Variants in CA10 observed in about 807,000 individuals in gnomAD.
CA10 encodes the protein carbonic anhydrase-related protein 10.
CA10 carries 14 observed loss-of-function variants against 44.2 expected under a neutral mutation model. The observed-to-expected ratio is 0.32, with a 90% confidence interval of 0.21 to 0.50. CA10 has a LOEUF of 0.50. Among genes scored for constraint, CA10 ranks in the 20% least tolerant of loss-of-function variants. The pLI is 0.99. For missense variants in CA10, 350 were observed against 409.7 expected, an observed-to-expected ratio of 0.85 and a Z score of 1.26; for synonymous variants, 159 against 141.6, an observed-to-expected ratio of 1.12 and a Z score of -0.87.
rs138583813 is a variant in CA10, at chr17:51,639,377, G to C, written c.635-3368C>G. 2.6e-5 allele frequency among the ~76,000 whole-genome samples: 4 copies of C among 152,190 alleles called. No individual in the cohort carries two copies. The East Asian group carries it at 5.8e-4, about 22-fold the overall frequency. On this transcript the variant is annotated intron_variant, in intron 6 of 8. Coordinates refer to ENST00000451037, the MANE Select transcript of CA10 (RefSeq NM_020178.5). ...TGACTGGAGTAAAGAAAAGGAACAT[G>C]TTTTGTTTCTTTGAGACTGTAACCA...
chr17:52,066,122 A>G (rs533100402), intron 2 of CA10, among the ~76,000 whole-genome samples: 1 of 152,332 alleles, frequency 6.6e-6, no homozygotes, highest in East Asian at 1.9e-4. Flanking sequence ...GCAGTTCTTT[A>G]TAGCAGTATG....
intron 3 of CA10, among the ~76,000 whole-genome samples, chr17:51,869,138 G>T (rs754226644): frequency 6.6e-6 from 1 of 151,910 alleles, no homozygotes; most frequent in African/African-American, 2.4e-5. Context: ...ATAGAAAAAG[G>T]ACTATTTTCA....
rs551628854 is a variant in CA10 at position 51,700,548 on chromosome 17, T to C, written c.466-46812A>G. On this transcript the variant is annotated intron_variant, in intron 4 of 8. Transcript: ENST00000451037. ...CTCTGCTGCCACATTGTTCCCCACC[T>C]GTGCTTGGCTCACCCCCTCATGGCC... Among the ~76,000 whole-genome samples the C allele has an allele frequency of 3.9e-5, 6 of 152,264 alleles. No homozygotes were observed. In the South Asian group the frequency reaches 1.2e-3, roughly 32 times the overall value.
chr17:51,963,630 A>C (rs943656037), intron 2 of CA10, among the ~76,000 whole-genome samples: 8 of 152,206 alleles, frequency 5.3e-5, no homozygotes, highest in Non-Finnish European at 1.0e-4. Flanking sequence ...TTTAAAGAAA[A>C]GAAATTCCAA....
At chr17:52,057,836 C>T (rs1987272995) in intron 2 of CA10, among the ~76,000 whole-genome samples, 1 of 152,056 alleles carries the variant, frequency 6.6e-6, no homozygotes, top group South Asian at 2.1e-4. Flanking sequence ...GCTGTTACTG[C>T]CTGCACCCAG....
At chr17:51,659,459 A>G (rs1348009795) in intron 4 of CA10, among the ~76,000 whole-genome samples, 1 of 152,184 alleles carries the variant, frequency 6.6e-6, no homozygotes. Flanking sequence ...CTCCTCTTAT[A>G]TATCTATGTA....
chr17:51,754,285 AGTGTGTGTGTGTGTGTGTGT>A (rs60269292), intron 3 of CA10, among the ~76,000 whole-genome samples: 1 of 140,900 alleles, frequency 7.1e-6, no homozygotes, highest in East Asian at 2.1e-4. Flanking sequence ...GAAACAGAAT[AGTGTGTGTGTGTGTGTGTGT>A]GTGTGTGTGT....
At chr17:51,891,365 A>G (rs1255246406) in intron 3 of CA10, among the ~76,000 whole-genome samples, 1 of 152,228 alleles carries the variant, frequency 6.6e-6, no homozygotes, top group Non-Finnish European at 1.5e-5. Context: ...AACGAGAAAT[A>G]GCACCACTCA....
chr17:51,699,859 A>G (rs1490281184), intron 4 of CA10, among the ~76,000 whole-genome samples: 1 of 152,196 alleles, frequency 6.6e-6, no homozygotes, highest in Admixed American at 6.5e-5. Context: ...AGACAGTTGT[A>G]GGATAAAGAG....
intron 6 of CA10, 78 bp from the exon 7 acceptor site, chr17:51,636,087 TACATATAC>T: frequency 1.5e-6 from 1 of 664,368 alleles, no homozygotes; most frequent in Non-Finnish European, 2.5e-6. Context: ...CATACATACA[TACATATAC>T]ATATACATAT....
At chr17:51,747,169 C>G (rs1009243368) in intron 4 of CA10, among the ~76,000 whole-genome samples, 1 of 152,194 alleles carries the variant, frequency 6.6e-6, no homozygotes. Context: ...CTCAGGAAAA[C>G]TATTGAGTTG....
At chr17:51,661,170 T>A (rs192075357) in intron 4 of CA10, among the ~76,000 whole-genome samples, 1 of 152,350 alleles carries the variant, frequency 6.6e-6, no homozygotes, top group Admixed American at 6.5e-5. Context: ...GCATGGGCTC[T>A]ATCTTATTGG....
chr17:51,736,983 C>T (rs999614977), intron 4 of CA10, among the ~76,000 whole-genome samples: 1 of 152,134 alleles, frequency 6.6e-6, no homozygotes, highest in Non-Finnish European at 1.5e-5. Context: ...GCAGACTGTT[C>T]TTAAGGCTGA....
intron 3 of CA10, among the ~76,000 whole-genome samples, chr17:51,878,088 G>A (rs1439786816): frequency 7.6e-6 from 1 of 132,174 alleles, no homozygotes; most frequent in African/African-American, 2.9e-5. Context: ...AGGTTACAGT[G>A]AGCCAAGATC....
chr17:52,050,573 C>G (rs917447288), intron 2 of CA10, among the ~76,000 whole-genome samples: 1 of 152,032 alleles, frequency 6.6e-6, no homozygotes, highest in African/African-American at 2.4e-5. Flanking sequence ...CCTACAAGGC[C>G]TCTTCTTCCC....
At chr17:51,884,761 G>C (rs917501215) in intron 3 of CA10, among the ~76,000 whole-genome samples, 21 of 152,148 alleles carry the variant, frequency 1.4e-4, no homozygotes, top group Admixed American at 1.4e-3. Context: ...CAAGGTGCTG[G>C]CATGGTTGGT....
intron 4 of CA10, among the ~76,000 whole-genome samples, chr17:51,675,605 A>G (rs1475191125): frequency 6.6e-6 from 1 of 150,952 alleles, no homozygotes; most frequent in African/African-American, 2.4e-5. Context: ...AATCCCAGCT[A>G]CTCAGGAGAC....
intron 2 of CA10, among the ~76,000 whole-genome samples, chr17:51,953,750 A>C (rs1983569417): frequency 6.6e-6 from 1 of 152,118 alleles, no homozygotes; most frequent in African/African-American, 2.4e-5. Flanking sequence ...TTATTCCTAA[A>C]TATTTGATCA....
chr17:51,774,897 A>G lies in CA10; in HGVS notation c.280-27079T>C, dbSNP rs143058518. ...CAGAGGTTTTTAATACATACATCCT[A>G]TAGTTACGCACCATTTCTCCAAGCA... On this transcript the variant is annotated intron_variant, in intron 3 of 8. Transcript: ENST00000451037. 1.2e-4 allele frequency among the ~76,000 whole-genome samples: 19 copies of G among 152,298 alleles called. No individual in the cohort carries two copies. In the East Asian group the frequency reaches 3.7e-3, roughly 29 times the overall value.
Sources: allele counts gnomAD v4.1 joint callset (sites outside exome capture counted in the v4.1 genomes callset), GRCh38; gene constraint gnomAD v4.1.1; transcripts MANE v1.5; gene names NCBI Gene and HGNC (gene_info 2026-07-23, HGNC 2026-07-21).